NT5C3A: variants seen among roughly 807,000 people sequenced by gnomAD.
NT5C3A encodes the protein 5'-nucleotidase, cytosolic IIIA.
A neutral mutation model predicts 40.0 loss-of-function variants in NT5C3A; 23 were observed. The ratio of observed to expected loss-of-function variants is 0.58; its 90% CI spans 0.41 to 0.81. NT5C3A has a LOEUF of 0.81. NT5C3A is among the 40% of genes least tolerant of loss of function. NT5C3A has a pLI of 0.00. For synonymous variants in NT5C3A, 130 were observed against 141.4 expected, an observed-to-expected ratio of 0.92 and a Z score of 0.57; for missense variants, 328 against 403.0, an observed-to-expected ratio of 0.81 and a Z score of 1.59.
At chr7:33,061,798 G>A (rs1294226356) in intron 1 of NT5C3A, among the ~76,000 whole-genome samples, 2 of 152,162 alleles carry the variant, frequency 1.3e-5, no homozygotes, top group Non-Finnish European at 2.9e-5. Flanking sequence ...GTTTGTGCAA[G>A]AATTGTCTTC....
chr7:33,038,578 G>T (rs551227045), intron 1 of NT5C3A, among the ~76,000 whole-genome samples: 1 of 150,734 alleles, frequency 6.6e-6, no homozygotes, highest in East Asian at 1.9e-4. Context: ...ATTCTTGCCA[G>T]TCCTCACTAG....
chr7:33,037,507 T>C (rs1016478634), intron 1 of NT5C3A, among the ~76,000 whole-genome samples: 1 of 152,228 alleles, frequency 6.6e-6, no homozygotes, highest in African/African-American at 2.4e-5. Context: ...AGTTGGACAT[T>C]AGATCTGTGT....
intron 7 of NT5C3A, chr7:33,017,195 AAAAAAG>A: frequency 1.6e-5 from 8 of 490,012 alleles, no homozygotes; most frequent in East Asian, 1.3e-4. Flanking sequence ...AAAAAAAAAA[AAAAAAG>A]AAGAAGTTTT....
chr7:33,054,678 A>C (rs1273133743), intron 1 of NT5C3A, among the ~76,000 whole-genome samples: 1 of 152,204 alleles, frequency 6.6e-6, no homozygotes, highest in African/African-American at 2.4e-5. Flanking sequence ...CCTAAAAGTA[A>C]TTTTATAAAA....
intron 1 of NT5C3A, among the ~76,000 whole-genome samples, chr7:33,052,422 G>T (rs1787404498): frequency 6.8e-6 from 1 of 147,916 alleles, no homozygotes; most frequent in East Asian, 2.0e-4. Context: ...GGAGACAGAG[G>T]TTGCAGTGAG....
intron 1 of NT5C3A, among the ~76,000 whole-genome samples, chr7:33,059,441 C>T (rs1209689286): frequency 6.6e-6 from 1 of 152,062 alleles, no homozygotes; most frequent in East Asian, 1.9e-4. Flanking sequence ...CCATTTTTTC[C>T]TTCTCTTCAT....
Position 33,014,163 on chromosome 7 carries a change from G to A in NT5C3A, c.*567C>T. The stretch of plus-strand genomic sequence containing the variant: ...GTTTTGCATTTCATATTTATTATCA[G>A]TGCTTCAATATAGAATGTTTTGTAA... On this transcript the variant is annotated 3_prime_UTR_variant, in exon 9 of 9. Coordinates refer to ENST00000610140, the MANE Select transcript of NT5C3A (RefSeq NM_001002010.5). The A allele has an allele frequency of 2.2e-6, 1 of 447,824 alleles. No individual in the cohort carries two copies. Among genetic ancestry groups the A allele is most frequent in the South Asian group, 1.6e-5 (1 of 62,666 alleles). 27.7% of individuals were successfully genotyped at this position (447,824 alleles called of 1,614,324 possible).
Position 33,038,106 on chromosome 7 carries a change from T to A in NT5C3A, c.139-11191A>T, listed in dbSNP as rs949366382. On this transcript the variant is annotated intron_variant, in intron 1 of 8. Coordinates refer to ENST00000610140, the MANE Select transcript of NT5C3A (RefSeq NM_001002010.5). ...TTGATGTTTAATATGTGAAAAGCAGTCTAGATTTCTCAAAGAGCACTATTT... is the reference window on the plus strand; with the variant it reads ...TTGATGTTTAATATGTGAAAAGCAGACTAGATTTCTCAAAGAGCACTATTT... 3.3e-5 allele frequency among the ~76,000 whole-genome samples: 5 copies of A among 152,074 alleles called. No homozygotes were observed. The South Asian group carries it at 1.0e-3, about 31-fold the overall frequency.
chr7:33,044,386 TAAA>T (rs1011060880), intron 1 of NT5C3A, among the ~76,000 whole-genome samples: 7 of 71,806 alleles, frequency 9.7e-5, no homozygotes, highest in East Asian at 9.6e-4. Context: ...CTAGGGCACT[TAAA>T]AAAATTTTTT....
intron 1 of NT5C3A, among the ~76,000 whole-genome samples, chr7:33,042,233 G>A (rs1160523426): frequency 1.3e-5 from 2 of 151,946 alleles, no homozygotes; most frequent in Non-Finnish European, 2.9e-5. Flanking sequence ...AGCTACTCAG[G>A]GTAGGAGAAT....
intron 1 of NT5C3A, among the ~76,000 whole-genome samples, chr7:33,051,877 C>A (rs1357661513): frequency 2.6e-5 from 4 of 152,144 alleles, no homozygotes; most frequent in Non-Finnish European, 5.9e-5. Context: ...GTGGTCCCAA[C>A]ACACTTTAAA....
chr7:33,029,556 G>T, intron 1 of NT5C3A: 1 of 753,550 alleles, frequency 1.3e-6, no homozygotes, highest in Non-Finnish European at 2.0e-6. Context: ...AAGCAACACA[G>T]GATATATATC....
chr7:33,040,641 T>G (rs1040910162), intron 1 of NT5C3A, among the ~76,000 whole-genome samples: 3 of 152,198 alleles, frequency 2.0e-5, no homozygotes, highest in African/African-American at 4.8e-5. Flanking sequence ...AACAAGAAGC[T>G]CTTAAAATTA....
intron 1 of NT5C3A, among the ~76,000 whole-genome samples, chr7:33,059,997 G>A (rs1225212655): frequency 2.0e-5 from 3 of 152,168 alleles, no homozygotes; most frequent in African/African-American, 4.8e-5. Context: ...TGTCACCCAA[G>A]CTTGAGTGCA....
chr7:33,022,353 G>A (rs1269755333), intron 3 of NT5C3A, among the ~76,000 whole-genome samples: 2 of 152,184 alleles, frequency 1.3e-5, no homozygotes, highest in Admixed American at 6.5e-5. Flanking sequence ...ACATCACTGA[G>A]ATAGACAATT....
chr7:33,030,214 A>G (rs1786168358), intron 1 of NT5C3A, among the ~76,000 whole-genome samples: 1 of 152,208 alleles, frequency 6.6e-6, no homozygotes, highest in Admixed American at 6.5e-5. Flanking sequence ...TGTATGGAAT[A>G]TGTCAAAGAG....
chr7:33,028,143 T>A (rs1161569451), intron 1 of NT5C3A, among the ~76,000 whole-genome samples: 1 of 152,228 alleles, frequency 6.6e-6, no homozygotes, highest in African/African-American at 2.4e-5. Context: ...CAAATGGAGA[T>A]AACTGCCAAA....
chr7:33,025,162 A>G lies in NT5C3A; in HGVS notation c.238-1054T>C, dbSNP rs115682609. On this transcript the variant is annotated intron_variant, in intron 2 of 8. Coordinates refer to ENST00000610140, the MANE Select transcript of NT5C3A (RefSeq NM_001002010.5). Reference sequence around the variant, plus strand: ...TCGAAAAAATAAAACAAAATTAAATAAATAAAAATAAATAAAAATTTGAAA... The same window carrying G: ...TCGAAAAAATAAAACAAAATTAAATGAATAAAAATAAATAAAAATTTGAAA... 6.6e-3 allele frequency among the ~76,000 whole-genome samples: 1,004 copies of G among 152,262 alleles called. 10 individuals are homozygous for G. The highest frequency in any genetic ancestry group is 0.021 in the African/African-American group (887 of 41,548).
At chr7:33,026,985 G>A in intron 1 of NT5C3A, 70 bp from the exon 2 acceptor site, 1 of 976,536 alleles carries the variant, frequency 1.0e-6, no homozygotes, top group Non-Finnish European at 1.6e-6. Context: ...ATACCAAGCA[G>A]AAACCTGTCT....
Sources: gnomAD v4.1 joint callset for allele counts (sites outside exome capture counted in the v4.1 genomes callset) on GRCh38, gnomAD v4.1.1 for gene constraint, MANE v1.5 for transcripts, NCBI Gene and HGNC (gene_info 2026-07-23, HGNC 2026-07-21) for gene names.